CCDC149: variants seen among roughly 807,000 people sequenced by gnomAD.
The protein encoded by CCDC149 is coiled-coil domain-containing protein 149.
A neutral mutation model predicts 59.9 loss-of-function variants in CCDC149; 45 were observed. That is an observed-to-expected ratio of 0.75 (90% CI 0.59 to 0.96). CCDC149 has a LOEUF of 0.96. CCDC149 is among the 40% of genes least tolerant of loss of function. CCDC149 has a pLI of 0.00. For synonymous variants in CCDC149, 245 were observed against 260.6 expected, an observed-to-expected ratio of 0.94 and a Z score of 0.58; for missense variants, 584 against 664.7, an observed-to-expected ratio of 0.88 and a Z score of 1.33.
In CCDC149 at chr4:24,865,076, C is replaced by T. The variant is rs559813619; in HGVS notation, c.264+8605G>A. Among the ~76,000 whole-genome samples the T allele has an allele frequency of 3.3e-5, 5 of 152,160 alleles. No homozygotes were observed. The East Asian group carries it at 9.7e-4, about 29-fold the overall frequency. On this transcript the variant is annotated intron_variant, in intron 3 of 12. Transcript: ENST00000635206. ...TATTCCAGAAAGTCTGGTAACATAC[C>T]TCTCAATCTGAAGACATATAAATCA...
chr4:24,873,605 C>A (rs375104402), intron 3 of CCDC149, 76 bp downstream of exon 3: 5 of 979,484 alleles, frequency 5.1e-6, no homozygotes, highest in African/African-American at 1.6e-5. Context: ...AAGTTCTCTA[C>A]ATTTTGAGAT....
At chr4:24,901,904 C>G (rs1375247768) in intron 1 of CCDC149, among the ~76,000 whole-genome samples, 1 of 152,186 alleles carries the variant, frequency 6.6e-6, no homozygotes, top group Non-Finnish European at 1.5e-5. Context: ...CATAGCCATC[C>G]CCTTTTCTCT....
At chr4:24,962,694 G>A (rs1174020307) in intron 1 of CCDC149, among the ~76,000 whole-genome samples, 1 of 151,884 alleles carries the variant, frequency 6.6e-6, no homozygotes, top group Non-Finnish European at 1.5e-5. Flanking sequence ...GAGAACACAT[G>A]GACACAGGAA....
intron 1 of CCDC149, among the ~76,000 whole-genome samples, chr4:24,947,833 T>A (rs1446884588): frequency 6.6e-6 from 1 of 152,172 alleles, no homozygotes; most frequent in Non-Finnish European, 1.5e-5. Flanking sequence ...GATTTTTTTT[T>A]TTATTGCAGA....
At chr4:24,820,985 T>G in intron 11 of CCDC149, 70 bp downstream of exon 11, 1 of 860,232 alleles carries the variant, frequency 1.2e-6, no homozygotes, top group Non-Finnish European at 1.5e-6. Context: ...TTCTACTTAT[T>G]TACATGCAGG....
chr4:24,914,697 A>G (rs1026192726), upstream of CCDC149, among the ~76,000 whole-genome samples: 49 of 151,968 alleles, frequency 3.2e-4, no homozygotes, highest in Non-Finnish European at 4.3e-4. Context: ...CACATACTAA[A>G]TAAGTAGTTG....
intron 1 of CCDC149, among the ~76,000 whole-genome samples, chr4:24,904,579 AGT>A (rs756405004): frequency 3.3e-5 from 5 of 152,122 alleles, no homozygotes; most frequent in Non-Finnish European, 7.3e-5. Flanking sequence ...TGTTTAGTTA[AGT>A]GTGTGTTTGA....
At chr4:24,895,405 G>A (rs1007211094) in intron 1 of CCDC149, among the ~76,000 whole-genome samples, 17 of 152,114 alleles carry the variant, frequency 1.1e-4, no homozygotes, top group African/African-American at 3.1e-4. Flanking sequence ...TAGAAATTAG[G>A]GCATGGAAAC....
At position 24,837,046 on chromosome 4, in the gene CCDC149, T is replaced by C. The variant is rs928114347; in HGVS notation, c.662+182A>G. On this transcript the variant is annotated intron_variant, in intron 6 of 12. Transcript: ENST00000635206. This position sits in a 1 kb window ranked among gnomAD's most constrained non-coding sequence, Gnocchi z 4.3. Reference sequence around the variant, plus strand: ...TGTGCACTGTGTAGGTGTGGGCTGCTTTCCTTTTTCACTTTTGCAACTAAT... The same window carrying C: ...TGTGCACTGTGTAGGTGTGGGCTGCCTTCCTTTTTCACTTTTGCAACTAAT... 1.3e-5 allele frequency among the ~76,000 whole-genome samples: 2 copies of C among 152,186 alleles called. No individual in the cohort carries two copies. Among genetic ancestry groups the C allele is most frequent in the African/African-American group, 4.8e-5 (2 of 41,442 alleles).
At chr4:24,815,084 T>C (rs1714925979) in intron 12 of CCDC149, among the ~76,000 whole-genome samples, 1 of 152,186 alleles carries the variant, frequency 6.6e-6, no homozygotes, top group African/African-American at 2.4e-5. Flanking sequence ...GACTTAATAA[T>C]AAATAGCTTA....
At chr4:24,863,687 A>G (rs1359132530) in intron 3 of CCDC149, among the ~76,000 whole-genome samples, 2 of 152,242 alleles carry the variant, frequency 1.3e-5, no homozygotes, top group African/African-American at 4.8e-5. Flanking sequence ...ACTTTAGCCC[A>G]GGCATGTCTG....
At chr4:24,857,746 A>G (rs535240705) in intron 3 of CCDC149, among the ~76,000 whole-genome samples, 1 of 152,348 alleles carries the variant, frequency 6.6e-6, no homozygotes, top group Admixed American at 6.5e-5. Flanking sequence ...GCTGCAAAAC[A>G]GTGGTTTATT....
intron 4 of CCDC149, among the ~76,000 whole-genome samples, chr4:24,842,165 T>C (rs189774896): frequency 5.1e-4 from 77 of 152,318 alleles, no homozygotes; most frequent in Non-Finnish European, 7.2e-4. Context: ...AACCTAACCC[T>C]AAGTAAGAAA....
At chr4:24,920,008 A>G (rs1394728340) in intron 1 of CCDC149, among the ~76,000 whole-genome samples, 3 of 152,250 alleles carry the variant, frequency 2.0e-5, no homozygotes, top group African/African-American at 7.2e-5. Context: ...AAGTATATTA[A>G]GAAAAAGGCT....
At chr4:24,891,111 C>T (rs1365217246) in intron 1 of CCDC149, among the ~76,000 whole-genome samples, 3 of 152,178 alleles carry the variant, frequency 2.0e-5, no homozygotes, top group Admixed American at 1.3e-4. Context: ...TCATCTTTGT[C>T]GATTTTATTT....
chr4:24,884,926 A>G (rs1050696433), intron 1 of CCDC149, among the ~76,000 whole-genome samples: 2 of 152,124 alleles, frequency 1.3e-5, no homozygotes, highest in African/African-American at 4.8e-5. Flanking sequence ...ATCGGGAGGG[A>G]GGGGTAGAGG....
At chr4:24,922,367 A>G (rs1722319532) in intron 1 of CCDC149, among the ~76,000 whole-genome samples, 1 of 152,106 alleles carries the variant, frequency 6.6e-6, no homozygotes, top group African/African-American at 2.4e-5. Context: ...CCATTCCAAG[A>G]CTTCCCCTCA....
Position 24,822,482 on chromosome 4 carries a change from T to C in CCDC149, c.1042+15A>G. ...AAAAAAAAAAGGAAAATTGTTTTCA[T>C]GAGGTTCTGTTTACCTGGAAGACTC... On this transcript the variant is annotated intron_variant, in intron 10 of 12. Coordinates refer to ENST00000635206, the MANE Select transcript of CCDC149 (RefSeq NM_001330643.2). 2 of 1,464,922 alleles carry C rather than the reference T, an allele frequency of 1.4e-6. No individual in the cohort carries two copies. The highest frequency in any genetic ancestry group is 1.8e-6 in the Non-Finnish European group (2 of 1,106,284). 90.7% of individuals were successfully genotyped at this position (1,464,922 alleles called of 1,614,324 possible). A position where few individuals can be genotyped will look rare whatever the true frequency, so the allele number is the denominator to read the frequency against.
At chr4:24,831,332 C>G in intron 9 of CCDC149, 174 bp downstream of exon 9, 1 of 642,696 alleles carries the variant, frequency 1.6e-6, no homozygotes, top group East Asian at 2.8e-5. Flanking sequence ...AGCTGATAGC[C>G]AAGATGCTGA....
Sources: gnomAD v4.1 joint callset for allele counts (sites outside exome capture counted in the v4.1 genomes callset) on GRCh38, gnomAD v4.1.1 for gene constraint, Gnocchi (gnomAD v3.1) non-coding constraint, MANE v1.5 for transcripts, NCBI Gene and HGNC (gene_info 2026-07-23, HGNC 2026-07-21) for gene names.